PTPRR: variants seen among roughly 807,000 people sequenced by gnomAD.
The protein encoded by PTPRR is receptor-type tyrosine-protein phosphatase R.
In PTPRR, 38 loss-of-function variants were observed where a neutral mutation model predicts 77.2. That is an observed-to-expected ratio of 0.49 (90% confidence interval 0.38 to 0.65). The LOEUF is 0.65. PTPRR is among the 30% of genes least tolerant of loss of function. The probability of loss-of-function intolerance (pLI) is 0.00; values close to 1 mark genes in which losing one functional copy is unlikely to be tolerated. For missense variants in PTPRR, 744 were observed against 799.2 expected (o/e 0.93, Z 0.83); for synonymous variants, 299 against 283.1 (o/e 1.06, Z -0.57).
At position 70,764,765 on chromosome 12, in the gene PTPRR, T is replaced by C. The variant is rs1321936566; in HGVS notation, c.371A>G (p.Asp124Gly). 8 of 1,613,522 alleles carry C rather than the reference T, an allele frequency of 5.0e-6. No homozygotes were observed. Among genetic ancestry groups the C allele is most frequent in the Non-Finnish European group, 5.9e-6 (7 of 1,179,398 alleles). Residue 124 changes from aspartate (D) to glycine (G), a missense_variant, in exon 3 of 14, where the codon GAT (aspartate) becomes GGT (glycine). Asp to Gly is a moderately conservative substitution (Grantham distance 94). Coordinates refer to ENST00000283228, the MANE Select transcript of PTPRR (RefSeq NM_002849.4). ...ANVIVVTLQM[D>G]VNKLNITLLR... ...CAAGGTTATGTTCAGCTTGTTTACA[T>C]CCATTTGCAGTGTCTAGAAAATAAG... is the stretch of plus-strand genomic sequence containing the variant.
chr12:70,853,678 T>C (rs1223534179), intron 2 of PTPRR, among the ~76,000 whole-genome samples: 1 of 152,192 alleles, frequency 6.6e-6, no homozygotes, highest in Admixed American at 6.5e-5. Flanking sequence ...TCCCAGGACA[T>C]GGACCCATCT....
At chr12:70,872,393 GT>G (rs141250682) in intron 2 of PTPRR, among the ~76,000 whole-genome samples, 3,528 of 151,900 alleles carry the variant, frequency 0.023, 134 homozygotes, top group African/African-American at 0.08. Flanking sequence ...CCTCCTGCTT[GT>G]TTACAGAATC....
intron 6 of PTPRR, among the ~76,000 whole-genome samples, chr12:70,719,729 GTCTGAACCCACA>G: frequency 6.6e-6 from 1 of 152,168 alleles, no homozygotes. Context: ...AGCATCTGCA[GTCTGAACCCACA>G]GTGACTGCGC....
intron 6 of PTPRR, among the ~76,000 whole-genome samples, chr12:70,710,687 G>A (rs533163312): frequency 2.6e-5 from 4 of 151,906 alleles, no homozygotes; most frequent in African/African-American, 9.7e-5. Flanking sequence ...GCATCTATAA[G>A]GAACCTTAAC....
intron 2 of PTPRR, among the ~76,000 whole-genome samples, chr12:70,830,422 G>A (rs549120310): frequency 6.6e-6 from 1 of 152,072 alleles, no homozygotes; most frequent in Non-Finnish European, 1.5e-5. Flanking sequence ...TACATAAAAG[G>A]CAGGGCAAAG....
chr12:70,663,266 T>C (rs1052328957), intron 10 of PTPRR, among the ~76,000 whole-genome samples: 21 of 152,200 alleles, frequency 1.4e-4, no homozygotes, highest in African/African-American at 4.1e-4. Context: ...GTGACAATAA[T>C]TATACTGCAA....
chr12:70,721,843 G>A (rs1466352916), intron 6 of PTPRR, among the ~76,000 whole-genome samples: 3 of 152,124 alleles, frequency 2.0e-5, no homozygotes, highest in African/African-American at 7.2e-5. Context: ...GAGGATAGTT[G>A]GATGATTATT....
intron 1 of PTPRR, among the ~76,000 whole-genome samples, chr12:70,906,560 C>T (rs1249347880): frequency 6.6e-6 from 1 of 152,048 alleles, no homozygotes; most frequent in African/African-American, 2.4e-5. Flanking sequence ...CACTGATAAA[C>T]ATTACAGCCT....
chr12:70,855,214 G>GT (rs1447480857), intron 2 of PTPRR, among the ~76,000 whole-genome samples: 1 of 152,152 alleles, frequency 6.6e-6, no homozygotes, highest in African/African-American at 2.4e-5. Flanking sequence ...GTTTATCCTT[G>GT]TTTTTTAAGA....
chr12:70,770,903 A>C (rs570573247), intron 2 of PTPRR, among the ~76,000 whole-genome samples: 242 of 151,150 alleles, frequency 1.6e-3, no homozygotes, highest in African/African-American at 5.7e-3. Flanking sequence ...CTATCACAAG[A>C]ACAAAAAACC....
intron 13 of PTPRR, among the ~76,000 whole-genome samples, chr12:70,647,971 T>C (rs569470901): frequency 7.9e-5 from 12 of 152,352 alleles, no homozygotes; most frequent in African/African-American, 2.9e-4. Context: ...TTCAGGGTCA[T>C]TGCTGAAGGC....
chr12:70,695,748 A>AGAGAGG (rs1888209078), intron 8 of PTPRR, among the ~76,000 whole-genome samples: 1 of 152,114 alleles, frequency 6.6e-6, no homozygotes, highest in South Asian at 2.1e-4. Context: ...ACAGAGAGAG[A>AGAGAGG]GAGAGGGAGA....
At chr12:70,761,314 A>G (rs1011400142) in intron 4 of PTPRR, among the ~76,000 whole-genome samples, 157 bp downstream of exon 4, 1 of 152,244 alleles carries the variant, frequency 6.6e-6, no homozygotes, top group African/African-American at 2.4e-5. Context: ...GTAAACATAT[A>G]CAATGTAAAG....
At chr12:70,801,447 A>G (rs75935438) in intron 2 of PTPRR, among the ~76,000 whole-genome samples, 3,339 of 152,308 alleles carry the variant, frequency 0.022, 52 homozygotes, top group South Asian at 0.053. Context: ...GAAAACAACA[A>G]AAGACTCACC....
chr12:70,656,434 T>TG (rs1886582090), intron 13 of PTPRR, among the ~76,000 whole-genome samples: 1 of 151,800 alleles, frequency 6.6e-6, no homozygotes, highest in South Asian at 2.1e-4. Flanking sequence ...GGGGCTGAGG[T>TG]GTGAGGATTG....
At chr12:70,886,905 T>G (rs1156978803) in intron 2 of PTPRR, among the ~76,000 whole-genome samples, 1 of 152,076 alleles carries the variant, frequency 6.6e-6, no homozygotes, top group African/African-American at 2.4e-5. Context: ...ACATTATAAC[T>G]CGGGAAGAAA....
In PTPRR at chr12:70,639,145, C is replaced by CAAATT; in HGVS notation, c.*38_*39insAATTT. On this transcript the variant is annotated 3_prime_UTR_variant, in exon 14 of 14. Coordinates refer to ENST00000283228, the MANE Select transcript of PTPRR (RefSeq NM_002849.4). ...GCCTTGGGTGGGTAATTTGATTAAT[C>CAAATT]ACCCCAAGAGATTGATGGTCTGACA... The CAAATT allele has an allele frequency of 6.5e-7, 1 of 1,548,198 alleles. No individual in the cohort carries two copies. Among genetic ancestry groups the CAAATT allele is most frequent in the Non-Finnish European group, 8.9e-7 (1 of 1,128,516 alleles).
chr12:70,643,830 G>GGCTCA lies in PTPRR; in HGVS notation c.1881-4558_1881-4554dup, dbSNP rs1886099135. On this transcript the variant is annotated intron_variant, in intron 13 of 13. Coordinates refer to ENST00000283228, the MANE Select transcript of PTPRR (RefSeq NM_002849.4). ...CACTGTGTCATCCTGGCTGGATCGT[G>GGCTCA]GCTCACTGCAGCCTCAACCTCCCAG... is the stretch of plus-strand genomic sequence containing the variant. Among the ~76,000 whole-genome samples the GGCTCA allele has an allele frequency of 2.0e-5, 3 of 151,410 alleles. No homozygotes were observed. In the South Asian group the frequency reaches 6.3e-4, roughly 32 times the overall value.
intron 2 of PTPRR, among the ~76,000 whole-genome samples, chr12:70,768,941 C>T (rs1890898417): frequency 6.6e-6 from 1 of 151,288 alleles, no homozygotes; most frequent in African/African-American, 2.5e-5. Context: ...CAGAAAAAGC[C>T]TTTGACAAAA....
Sources: allele counts gnomAD v4.1 joint callset (sites outside exome capture counted in the v4.1 genomes callset), GRCh38; gene constraint gnomAD v4.1.1; transcripts MANE v1.5; gene names NCBI Gene and HGNC (gene_info 2026-07-23, HGNC 2026-07-21).